The following GRID1 variants were observed in gnomAD, a reference collection of about 807,000 sequenced individuals.
GRID1 encodes glutamate ionotropic receptor delta type subunit 1, also known as glutamate receptor ionotropic, delta-1.
A neutral mutation model predicts 98.0 loss-of-function variants in GRID1; 28 were observed. The observed-to-expected ratio is 0.29, with a 90% CI of 0.21 to 0.39. The LOEUF (loss-of-function observed/expected upper bound fraction) is 0.39, where lower values mean the gene tolerates loss of function less well. Among genes scored for constraint, GRID1 ranks in the 10% least tolerant of loss-of-function variants. The probability of loss-of-function intolerance (pLI) is 1.00; values close to 1 mark genes in which losing one functional copy is unlikely to be tolerated. For missense variants in GRID1, 1,111 were observed against 1,340.5 expected (o/e 0.83, Z 2.67); for synonymous variants, 553 against 538.5 (o/e 1.03, Z -0.37).
chr10:86,141,737 G>A (rs1291857468), intron 3 of GRID1, among the ~76,000 whole-genome samples: 1 of 152,238 alleles, frequency 6.6e-6, no homozygotes, highest in Non-Finnish European at 1.5e-5. Flanking sequence ...AGCCACATCT[G>A]GCTGGTGGCT....
chr10:85,810,803 T>G (rs1262356952), intron 8 of GRID1, among the ~76,000 whole-genome samples: 1 of 151,908 alleles, frequency 6.6e-6, no homozygotes, highest in Non-Finnish European at 1.5e-5. Flanking sequence ...ACCACAGAAA[T>G]AGCTGAGTAG....
At chr10:85,701,871 C>T (rs964719341) in intron 12 of GRID1, among the ~76,000 whole-genome samples, 3 of 151,902 alleles carry the variant, frequency 2.0e-5, no homozygotes, top group South Asian at 4.1e-4. Flanking sequence ...CAGTGTATAC[C>T]GCTCGGGAGA....
At chr10:85,776,196 C>G (rs901077165) in intron 8 of GRID1, among the ~76,000 whole-genome samples, 1 of 152,048 alleles carries the variant, frequency 6.6e-6, no homozygotes, top group Admixed American at 6.5e-5. Context: ...CTTTGCTGCT[C>G]CAAGAGAAGA....
intron 4 of GRID1, among the ~76,000 whole-genome samples, chr10:85,922,754 T>C (rs1747068363): frequency 6.6e-6 from 1 of 152,200 alleles, no homozygotes; most frequent in Non-Finnish European, 1.5e-5. Flanking sequence ...GGATGGATTA[T>C]TTGAAGAGCC....
chr10:86,251,474 A>G (rs1461917770), intron 2 of GRID1, among the ~76,000 whole-genome samples: 1 of 152,088 alleles, frequency 6.6e-6, no homozygotes, highest in Non-Finnish European at 1.5e-5. Context: ...CAGTTCCCTC[A>G]TGTCTGCGGG....
intron 8 of GRID1, among the ~76,000 whole-genome samples, chr10:85,788,763 C>G (rs1842452765): frequency 6.6e-6 from 1 of 152,220 alleles, no homozygotes; most frequent in African/African-American, 2.4e-5. Context: ...GAGCTGACCT[C>G]TAGCAACTAA....
At chr10:85,623,546 G>A (rs1842880051) in intron 13 of GRID1, among the ~76,000 whole-genome samples, 1 of 152,262 alleles carries the variant, frequency 6.6e-6, no homozygotes, top group East Asian at 1.9e-4. Context: ...GGGGCTGGGG[G>A]GAGGACACCA....
intron 13 of GRID1, among the ~76,000 whole-genome samples, chr10:85,620,583 C>A (rs1465689435): frequency 6.6e-6 from 1 of 152,162 alleles, no homozygotes; most frequent in African/African-American, 2.4e-5. Flanking sequence ...TAATATCAAG[C>A]ACAAGCACAT....
At position 86,138,888 on chromosome 10, in the gene GRID1, G is replaced by C. The variant is rs966276775; in HGVS notation, c.657C>G (p.Arg219=). The change falls in exon 4 of 16, where the codon CGC becomes CGG. Residue 219 remains arginine, a synonymous_variant. Coordinates refer to ENST00000327946, the MANE Select transcript of GRID1 (RefSeq NM_017551.3). ...FTTMKTEELN[R]YRDTLRRAIL... is the part of the protein sequence containing the mutation. ...TGGCGCGGCGAAGCGTGTCCCGGTA[G>C]CGATTCAGCTCCTCTGTCTTCATCG... The C allele has an allele frequency of 6.2e-7, 1 of 1,614,220 alleles. No homozygotes were observed. The highest frequency in any genetic ancestry group is 8.5e-7 in the Non-Finnish European group (1 of 1,180,016).
At chr10:86,092,300 A>T (rs1054306205) in intron 4 of GRID1, among the ~76,000 whole-genome samples, 5 of 152,192 alleles carry the variant, frequency 3.3e-5, no homozygotes, top group African/African-American at 4.8e-5. Context: ...AAAATTCAGG[A>T]AACTTTGGAC....
chr10:86,180,627 C>T (rs1346575925), intron 3 of GRID1, among the ~76,000 whole-genome samples: 1 of 152,100 alleles, frequency 6.6e-6, no homozygotes, highest in Non-Finnish European at 1.5e-5. Context: ...CACCCACTTC[C>T]TAGGCTTCCC....
intron 4 of GRID1, among the ~76,000 whole-genome samples, chr10:85,980,890 A>C (rs1842536564): frequency 6.6e-6 from 1 of 152,210 alleles, no homozygotes; most frequent in African/African-American, 2.4e-5. Flanking sequence ...AGAACAATGA[A>C]GCCCATTTCA....
chr10:86,190,422 G>A (rs1845785243), intron 3 of GRID1, among the ~76,000 whole-genome samples: 1 of 152,234 alleles, frequency 6.6e-6, no homozygotes, highest in Non-Finnish European at 1.5e-5. Context: ...CAGGTGTGGG[G>A]GCCCATGAAG....
At chr10:85,661,604 C>T (rs563091130) in intron 12 of GRID1, among the ~76,000 whole-genome samples, 1 of 152,296 alleles carries the variant, frequency 6.6e-6, no homozygotes, top group Admixed American at 6.5e-5. Context: ...AGCAGGGACC[C>T]AGGGAGCTTG....
intron 13 of GRID1, among the ~76,000 whole-genome samples, chr10:85,633,681 G>A (rs1843000616): frequency 6.6e-6 from 1 of 152,304 alleles, no homozygotes; most frequent in South Asian, 2.1e-4. Context: ...CTCCATTTGT[G>A]GCTAAGTATT....
intron 2 of GRID1, among the ~76,000 whole-genome samples, chr10:86,356,290 G>GT (rs934392718): frequency 6.6e-6 from 1 of 152,196 alleles, no homozygotes; most frequent in East Asian, 1.9e-4. Flanking sequence ...ACCCAAAACT[G>GT]TTTTTTGCTT....
chr10:85,730,434 C>T (rs1437261702), intron 8 of GRID1, among the ~76,000 whole-genome samples: 12 of 152,114 alleles, frequency 7.9e-5, no homozygotes, highest in Admixed American at 7.9e-4. Context: ...TAACAAAATG[C>T]AGATACCCAG....
chr10:86,146,634 C>T (rs1368677221), intron 3 of GRID1, among the ~76,000 whole-genome samples: 1 of 152,210 alleles, frequency 6.6e-6, no homozygotes, highest in Non-Finnish European at 1.5e-5. Flanking sequence ...TCCTCTTCCT[C>T]CCTTCCCGCC....
chr10:86,157,198 A>G (rs951377509), intron 3 of GRID1, among the ~76,000 whole-genome samples: 2 of 152,360 alleles, frequency 1.3e-5, no homozygotes, highest in Non-Finnish European at 2.9e-5. Flanking sequence ...ATTAAAGCAC[A>G]TCTTAATCAG....
Sources: gnomAD v4.1 joint callset for allele counts (sites outside exome capture counted in the v4.1 genomes callset) on GRCh38, gnomAD v4.1.1 for gene constraint, MANE v1.5 for transcripts, NCBI Gene and HGNC (gene_info 2026-07-23, HGNC 2026-07-21) for gene names.